NRXN1: variants seen among roughly 807,000 people sequenced by gnomAD.
NRXN1 encodes the protein neurexin 1.
Under a neutral mutation model 150.9 loss-of-function variants are expected in NRXN1, and 39 were observed. The observed-to-expected ratio is 0.26, with a 90% CI of 0.20 to 0.34. The LOEUF (loss-of-function observed/expected upper bound fraction) is 0.34. Ranked by LOEUF, NRXN1 falls within the 10% of genes least tolerant of loss-of-function variation. NRXN1 has a pLI of 1.00. For synonymous variants in NRXN1, 924 were observed against 757.0 expected (o/e 1.22, Z -3.62); for missense variants, 1,815 against 1,949.9 (o/e 0.93, Z 1.30).
intron 17 of NRXN1, among the ~76,000 whole-genome samples, chr2:50,338,202 C>G (rs543607081): frequency 6.6e-6 from 1 of 152,326 alleles, no homozygotes; most frequent in Admixed American, 6.5e-5. Flanking sequence ...ATCCACGTGA[C>G]AAATGACTGA....
intron 17 of NRXN1, among the ~76,000 whole-genome samples, chr2:50,363,521 G>A (rs1479422660): frequency 1.3e-5 from 2 of 152,084 alleles, no homozygotes; most frequent in African/African-American, 4.8e-5. Flanking sequence ...TTAGAGAAAG[G>A]CAATTAAAAT....
chr2:49,930,829 T>C (rs1344378168), intron 22 of NRXN1, among the ~76,000 whole-genome samples: 6 of 152,204 alleles, frequency 3.9e-5, no homozygotes, highest in Non-Finnish European at 7.3e-5. Context: ...TAAACTAGGT[T>C]GAATCTAATC....
chr2:50,608,011 C>T (rs1404887459), intron 8 of NRXN1, among the ~76,000 whole-genome samples: 1 of 151,920 alleles, frequency 6.6e-6, no homozygotes, highest in Non-Finnish European at 1.5e-5. Flanking sequence ...GAAGGCCAAG[C>T]CCACCTGGGG....
chr2:50,626,697 G>A (rs748561509), intron 5 of NRXN1, among the ~76,000 whole-genome samples: 74 of 151,966 alleles, frequency 4.9e-4, no homozygotes, highest in Non-Finnish European at 9.0e-4. Flanking sequence ...ATGGAAGAAT[G>A]GAAGGACTTC....
chr2:50,555,813 T>C (rs1330176833), intron 8 of NRXN1, among the ~76,000 whole-genome samples: 1 of 152,210 alleles, frequency 6.6e-6, no homozygotes, highest in African/African-American at 2.4e-5. Flanking sequence ...CATAAACTTA[T>C]GTGCATATCC....
intron 5 of NRXN1, among the ~76,000 whole-genome samples, chr2:50,659,295 T>A (rs1686945686): frequency 1.3e-5 from 2 of 152,044 alleles, no homozygotes; most frequent in African/African-American, 2.4e-5. Context: ...ATTTACCCAT[T>A]ACAAAGAACC....
intron 18 of NRXN1, among the ~76,000 whole-genome samples, chr2:50,114,894 T>A (rs1383055939): frequency 1.3e-5 from 2 of 151,926 alleles, no homozygotes; most frequent in Non-Finnish European, 2.9e-5. Flanking sequence ...TACAGAGGAT[T>A]TTTAGGGCAA....
chr2:50,501,600 T>C (rs1488956011), intron 13 of NRXN1, among the ~76,000 whole-genome samples: 1 of 151,714 alleles, frequency 6.6e-6, no homozygotes, highest in Admixed American at 6.6e-5. Flanking sequence ...GGTAACTGGA[T>C]ATATGGTGAA....
chr2:50,521,720 G>A (rs1347620997), intron 12 of NRXN1, among the ~76,000 whole-genome samples: 2 of 152,262 alleles, frequency 1.3e-5, no homozygotes, highest in East Asian at 1.9e-4. Flanking sequence ...ACAATTTTCA[G>A]TCAGACAACA....
chr2:50,099,322 T>C (rs566936611), intron 18 of NRXN1, among the ~76,000 whole-genome samples: 1 of 151,834 alleles, frequency 6.6e-6, no homozygotes, highest in Non-Finnish European at 1.5e-5. Context: ...AGAATACCTT[T>C]CTTTACTTTT....
intron 7 of NRXN1, 97 bp from the exon 8 acceptor site, chr2:50,620,280 G>T: frequency 1.1e-5 from 14 of 1,290,456 alleles, no homozygotes; most frequent in South Asian, 4.8e-5. Flanking sequence ...TTGTTTTTTT[G>T]TTTTGTTTTG....
chr2:50,339,714 C>A (rs905451071), intron 17 of NRXN1, among the ~76,000 whole-genome samples: 4 of 152,110 alleles, frequency 2.6e-5, no homozygotes, highest in African/African-American at 7.2e-5. Flanking sequence ...TGAGCATAAC[C>A]CTTCAAGTCA....
intron 17 of NRXN1, among the ~76,000 whole-genome samples, chr2:50,297,553 C>T (rs916664853): frequency 4.6e-5 from 7 of 152,116 alleles, no homozygotes; most frequent in Non-Finnish European, 8.8e-5. Flanking sequence ...GGACTTCACC[C>T]TAAAGTTAAT....
At chr2:50,131,123 T>C (rs1281049247) in intron 18 of NRXN1, among the ~76,000 whole-genome samples, 2 of 152,196 alleles carry the variant, frequency 1.3e-5, no homozygotes, top group Admixed American at 1.3e-4. Flanking sequence ...AAATATTCAA[T>C]GGGGTCAACT....
At chr2:50,122,280 G>A (rs182357370) in intron 18 of NRXN1, among the ~76,000 whole-genome samples, 98 of 152,338 alleles carry the variant, frequency 6.4e-4, no homozygotes, top group African/African-American at 2.2e-3. Flanking sequence ...GAGAAACTGA[G>A]ATCCTCACCA....
At chr2:50,306,630 T>G (rs1288178519) in intron 17 of NRXN1, among the ~76,000 whole-genome samples, 2 of 152,220 alleles carry the variant, frequency 1.3e-5, no homozygotes, top group Non-Finnish European at 2.9e-5. Context: ...ACATTTACAT[T>G]TTTTTATATA....
intron 18 of NRXN1, among the ~76,000 whole-genome samples, chr2:50,228,268 T>A (rs1480538940): frequency 6.6e-6 from 1 of 152,092 alleles, no homozygotes; most frequent in Non-Finnish European, 1.5e-5. Flanking sequence ...ACTAATTCCA[T>A]CTTTTTTTCC....
intron 12 of NRXN1, among the ~76,000 whole-genome samples, chr2:50,517,534 T>C (rs1359468403): frequency 1.3e-5 from 2 of 152,146 alleles, no homozygotes; most frequent in African/African-American, 2.4e-5. Context: ...AAGAAAACTC[T>C]GTCCTCCTGT....
intron 2 of NRXN1, among the ~76,000 whole-genome samples, chr2:50,949,266 G>A (rs1690897094): frequency 6.6e-6 from 1 of 151,986 alleles, no homozygotes; most frequent in Admixed American, 6.6e-5. Flanking sequence ...ATAATACTGA[G>A]TTGAAATAGG....
Sources: allele counts gnomAD v4.1 joint callset (sites outside exome capture counted in the v4.1 genomes callset), GRCh38; gene constraint gnomAD v4.1.1; transcripts MANE v1.5; gene names NCBI Gene and HGNC (gene_info 2026-07-23, HGNC 2026-07-21).